EPC2: variants seen among roughly 807,000 people sequenced by gnomAD.
The protein encoded by EPC2 is enhancer of polycomb 2.
Under a neutral mutation model 92.1 loss-of-function variants are expected in EPC2, and 14 were observed. The ratio of observed to expected loss-of-function variants is 0.15; its 90% CI spans 0.10 to 0.24. The LOEUF is 0.24. EPC2 is among the 10% of genes least tolerant of loss of function. The pLI, the probability that EPC2 is intolerant of heterozygous loss-of-function variation, is 1.00. For synonymous variants in EPC2, 340 were observed against 334.7 expected, an observed-to-expected ratio of 1.02 and a Z score of -0.17; for missense variants, 755 against 971.5, an observed-to-expected ratio of 0.78 and a Z score of 2.96.
intron 1 of EPC2, among the ~76,000 whole-genome samples, chr2:148,688,086 C>G (rs546005660): frequency 1.3e-5 from 2 of 152,174 alleles, no homozygotes; most frequent in East Asian, 3.9e-4. Flanking sequence ...GAAATTAAGA[C>G]CTTCTAATTT....
At chr2:148,693,950 C>T (rs964836720) in intron 2 of EPC2, among the ~76,000 whole-genome samples, 7 of 152,124 alleles carry the variant, frequency 4.6e-5, no homozygotes, top group African/African-American at 1.4e-4. Context: ...TGTTTGCCCT[C>T]TGTTGGGCAG....
chr2:148,705,567 C>T (rs1472722777), intron 2 of EPC2, among the ~76,000 whole-genome samples: 7 of 152,332 alleles, frequency 4.6e-5, no homozygotes, highest in South Asian at 2.1e-4. Flanking sequence ...CTTGGAGACA[C>T]CTCCCAGTAG....
chr2:148,686,541 G>A (rs542013485), intron 1 of EPC2, among the ~76,000 whole-genome samples: 1 of 152,174 alleles, frequency 6.6e-6, no homozygotes, highest in Non-Finnish European at 1.5e-5. Flanking sequence ...TTTTCAGAAG[G>A]TTTTCAGTTT....
rs150891258 is a variant in EPC2 at position 148,745,150 on chromosome 2, G to A, written c.459+1383G>A. 4.7e-3 allele frequency among the ~76,000 whole-genome samples: 717 copies of A among 152,132 alleles called. 6 individuals are homozygous for A. The highest frequency in any genetic ancestry group is 0.016 in the African/African-American group (680 of 41,522). ...AGTTCTAAAAAAGTACCAACTTGAT[G>A]TTCATTATAATTGGTGACTTACAGT... On this transcript the variant is annotated intron_variant, in intron 3 of 13. Coordinates refer to ENST00000258484, the MANE Select transcript of EPC2 (RefSeq NM_015630.4).
chr2:148,706,455 T>C (rs1682001563), intron 2 of EPC2, among the ~76,000 whole-genome samples: 1 of 151,936 alleles, frequency 6.6e-6, no homozygotes, highest in Admixed American at 6.6e-5. Flanking sequence ...TTCCCCAACC[T>C]AGCAAGGCAG....
At chr2:148,691,855 G>T in intron 2 of EPC2, 1 of 625,042 alleles carries the variant, frequency 1.6e-6, no homozygotes, top group South Asian at 1.5e-5. Flanking sequence ...TACACTGAGG[G>T]CATAGCCCTT....
chr2:148,693,112 C>G (rs1681674990), intron 2 of EPC2, among the ~76,000 whole-genome samples: 1 of 152,140 alleles, frequency 6.6e-6, no homozygotes, highest in Non-Finnish European at 1.5e-5. Flanking sequence ...AAATTTTAAA[C>G]TCATTACTGA....
chr2:148,680,680 C>T (rs1215022284), intron 1 of EPC2, among the ~76,000 whole-genome samples: 1 of 152,060 alleles, frequency 6.6e-6, no homozygotes, highest in African/African-American at 2.4e-5. Context: ...TAAGATGAGT[C>T]ATAGATTCTA....
chr2:148,694,403 A>G (rs1205707173), intron 2 of EPC2, among the ~76,000 whole-genome samples: 1 of 152,174 alleles, frequency 6.6e-6, no homozygotes, highest in Non-Finnish European at 1.5e-5. Context: ...TTGAATCATA[A>G]CACATTGAGC....
chr2:148,648,469 C>T (rs1683850930), intron 1 of EPC2, among the ~76,000 whole-genome samples: 1 of 152,170 alleles, frequency 6.6e-6, no homozygotes, highest in Admixed American at 6.5e-5. Flanking sequence ...ATCTAGATGT[C>T]CTTAACTCCT....
Position 148,754,111 on chromosome 2 carries a change from C to T in EPC2, c.644C>T (p.Thr215Ile), listed in dbSNP as rs1022243088. 6.2e-7 allele frequency: 1 copy of T among 1,605,172 alleles called. No homozygotes were observed. Among genetic ancestry groups the T allele is most frequent in the South Asian group, 1.1e-5 (1 of 89,242 alleles). ...CCTTATGTTGCCTTTCGGAGAAGAA[C>T]AGAGAAAATGCAAACTCGAAAGGTA... ...NDPYVAFRRRTEKMQTRKNRK... is the reference protein window; with the variant it reads ...NDPYVAFRRRIEKMQTRKNRK... Residue 215 changes from threonine to isoleucine, a missense_variant, in exon 4 of 14, where the codon ACA becomes ATA. Transcript: ENST00000258484.
At chr2:148,785,985 GAAAA>G (rs961544392) in intron 13 of EPC2, among the ~76,000 whole-genome samples, 1 of 144,968 alleles carries the variant, frequency 6.9e-6, no homozygotes, top group Admixed American at 6.9e-5. Context: ...CATCTCTCGA[GAAAA>G]AAAAAAGAAA....
intron 2 of EPC2, among the ~76,000 whole-genome samples, chr2:148,729,688 ATAGT>A (rs200759236): frequency 0.024 from 3,695 of 152,302 alleles, 68 homozygotes; most frequent in Middle Eastern, 0.041. Context: ...AAGAAAATGC[ATAGT>A]TAGAGAGAGA....
intron 1 of EPC2, among the ~76,000 whole-genome samples, chr2:148,647,148 A>G (rs1559136840): frequency 6.6e-6 from 1 of 152,148 alleles, no homozygotes; most frequent in Non-Finnish European, 1.5e-5. Flanking sequence ...TCTAGAGTGA[A>G]CAGTTAACTC....
chr2:148,693,095 C>T (rs1681674813), intron 2 of EPC2, among the ~76,000 whole-genome samples: 1 of 152,118 alleles, frequency 6.6e-6, no homozygotes, highest in Non-Finnish European at 1.5e-5. Flanking sequence ...TTAAGATTAT[C>T]TGTACTAAAT....
chr2:148,715,312 C>T (rs976589095), intron 2 of EPC2, among the ~76,000 whole-genome samples: 6 of 152,150 alleles, frequency 3.9e-5, no homozygotes, highest in Non-Finnish European at 7.3e-5. Context: ...GGATTACAGG[C>T]GAGAGCCACT....
chr2:148,725,284 C>A (rs1046191928), intron 2 of EPC2, among the ~76,000 whole-genome samples: 2 of 151,872 alleles, frequency 1.3e-5, no homozygotes, highest in African/African-American at 4.8e-5. Context: ...ATAATGAATT[C>A]TATCTACTGT....
At chr2:148,739,598 G>T (rs1255978492) in intron 2 of EPC2, among the ~76,000 whole-genome samples, 1 of 152,072 alleles carries the variant, frequency 6.6e-6, no homozygotes, top group East Asian at 1.9e-4. Flanking sequence ...ATGTGTGAAT[G>T]CTTTATATAT....
At chr2:148,728,361 G>A (rs1358280208) in intron 2 of EPC2, among the ~76,000 whole-genome samples, 4 of 151,402 alleles carry the variant, frequency 2.6e-5, no homozygotes. Context: ...ATATTAATAT[G>A]TACATATGTT....
Sources: allele counts gnomAD v4.1 joint callset (sites outside exome capture counted in the v4.1 genomes callset), GRCh38; gene constraint gnomAD v4.1.1; transcripts MANE v1.5; gene names NCBI Gene and HGNC (gene_info 2026-07-23, HGNC 2026-07-21).